The following GALNT14 variants were observed in gnomAD, a reference collection of about 807,000 sequenced individuals.
GALNT14 encodes polypeptide N-acetylgalactosaminyltransferase 14.
In GALNT14, 60 loss-of-function variants were observed where a neutral mutation model predicts 77.5. The observed-to-expected ratio is 0.77, with a 90% confidence interval of 0.63 to 0.96. The LOEUF is 0.96. GALNT14 is among the 40% of genes least tolerant of loss of function. The pLI is 0.00. For missense variants in GALNT14, 710 were observed against 731.0 expected (o/e 0.97, Z 0.33); for synonymous variants, 280 against 281.7 (o/e 0.99, Z 0.06).
chr2:31,037,983 T>A (rs1355234556), intron 1 of GALNT14, among the ~76,000 whole-genome samples: 1 of 150,472 alleles, frequency 6.6e-6, no homozygotes, highest in South Asian at 2.1e-4. Flanking sequence ...TTCTTAGAAA[T>A]TTTTCAAAGC....
intron 1 of GALNT14, among the ~76,000 whole-genome samples, chr2:31,026,012 A>G (rs769599718): frequency 1.3e-5 from 2 of 152,186 alleles, no homozygotes; most frequent in Non-Finnish European, 2.9e-5. Flanking sequence ...TAAATGTTAA[A>G]CATATCTAAA....
intron 9 of GALNT14, among the ~76,000 whole-genome samples, chr2:30,935,795 T>C (rs1226885163): frequency 6.6e-6 from 1 of 152,082 alleles, no homozygotes; most frequent in Non-Finnish European, 1.5e-5. Context: ...TTTGGGACAG[T>C]CACAGGACCT....
chr2:31,129,264 T>A (rs1348495589), intron 1 of GALNT14: 3 of 564,148 alleles, frequency 5.3e-6, no homozygotes, highest in Admixed American at 1.3e-4. Flanking sequence ...ACGAGAATAA[T>A]AATAACACTC....
intron 1 of GALNT14, among the ~76,000 whole-genome samples, chr2:31,111,733 A>C (rs1006342883): frequency 1.3e-5 from 2 of 152,184 alleles, no homozygotes; most frequent in African/African-American, 4.8e-5. Flanking sequence ...CTGCAGGTAA[A>C]CAGACATTTG....
chr2:31,114,374 A>G (rs1010319688), intron 1 of GALNT14, among the ~76,000 whole-genome samples: 2 of 152,194 alleles, frequency 1.3e-5, no homozygotes, highest in Admixed American at 6.5e-5. Context: ...AGAGCTGCTA[A>G]AGGAGACAAA....
chr2:30,948,004 G>C (rs900235647), intron 6 of GALNT14, among the ~76,000 whole-genome samples: 3 of 152,146 alleles, frequency 2.0e-5, no homozygotes, highest in Non-Finnish European at 1.5e-5. Flanking sequence ...TGGGGCTCTT[G>C]GGCCACTGTC....
intron 1 of GALNT14, among the ~76,000 whole-genome samples, chr2:31,078,284 A>G (rs1362151137): frequency 6.6e-6 from 1 of 152,244 alleles, no homozygotes; most frequent in African/African-American, 2.4e-5. Context: ...TAATGATCCT[A>G]CTGGACAACT....
chr2:31,107,385 A>G (rs1038329320), intron 1 of GALNT14, among the ~76,000 whole-genome samples: 2 of 151,992 alleles, frequency 1.3e-5, no homozygotes, highest in African/African-American at 4.8e-5. Context: ...CTAAACCTCT[A>G]CTTCCCCCTC....
intron 1 of GALNT14, among the ~76,000 whole-genome samples, chr2:31,025,472 G>T (rs148663684): frequency 6.6e-6 from 1 of 152,178 alleles, no homozygotes; most frequent in Admixed American, 6.5e-5. Context: ...GGAGGCCACT[G>T]GAATTGTCTA....
At chr2:30,904,804 T>C in the GALNT14 span, among the ~76,000 whole-genome samples, 1 of 152,194 alleles carries the variant, frequency 6.6e-6, no homozygotes, top group Non-Finnish European at 1.5e-5. Flanking sequence ...CAGACTTAAA[T>C]GTCCCTGTCT....
At chr2:30,914,165 T>C (rs182249806) in intron 13 of GALNT14, among the ~76,000 whole-genome samples, 8 of 152,330 alleles carry the variant, frequency 5.3e-5, no homozygotes, top group Non-Finnish European at 1.0e-4. Context: ...TTCATAAGAA[T>C]CCTATTAAGT....
intron 1 of GALNT14, among the ~76,000 whole-genome samples, chr2:31,108,257 AC>A (rs1677660656): frequency 6.6e-6 from 1 of 152,226 alleles, no homozygotes; most frequent in African/African-American, 2.4e-5. Flanking sequence ...CTCCACCATC[AC>A]TACATCAGTC....
At position 30,955,642 on chromosome 2, in the gene GALNT14, C is replaced by T. The variant is rs1667315906; in HGVS notation, c.630G>A (p.Gln210=). 2 of 1,614,082 alleles carry T rather than the reference C, an allele frequency of 1.2e-6. No individual in the cohort carries two copies. Among genetic ancestry groups the T allele is most frequent in the Admixed American group, 1.7e-5 (1 of 60,016 alleles). Residue 210 remains glutamine, a synonymous_variant, in exon 6 of 15, where the codon CAG becomes CAA. Coordinates refer to ENST00000349752, the MANE Select transcript of GALNT14 (RefSeq NM_024572.4). ...CCTCTTTGACCCTGTGCAACAGAGG[C>T]TGGAGCCAGTCCCTGTTCACCTCAC... ...SHCEVNRDWL[Q]PLLHRVKEDY...
intron 9 of GALNT14, among the ~76,000 whole-genome samples, chr2:30,932,678 G>A (rs1054097296): frequency 6.6e-6 from 1 of 152,228 alleles, no homozygotes; most frequent in Non-Finnish European, 1.5e-5. Context: ...TGACCATTGT[G>A]AGAAGACTCA....
At chr2:30,973,567 G>A (rs1251579209) in intron 2 of GALNT14, among the ~76,000 whole-genome samples, 1 of 152,172 alleles carries the variant, frequency 6.6e-6, no homozygotes, top group African/African-American at 2.4e-5. Flanking sequence ...AATATAAAAT[G>A]CCGAATCTGT....
chr2:31,131,116 C>G (rs964820999), intron 1 of GALNT14, among the ~76,000 whole-genome samples: 2 of 152,130 alleles, frequency 1.3e-5, no homozygotes, highest in African/African-American at 4.8e-5. Context: ...AGAGAGGAAT[C>G]TCAGTCACCC....
chr2:31,108,169 A>G (rs1573360414), intron 1 of GALNT14, among the ~76,000 whole-genome samples: 1 of 151,772 alleles, frequency 6.6e-6, no homozygotes, highest in African/African-American at 2.4e-5. Flanking sequence ...CCAAGGCCAG[A>G]CTCCTGCCTC....
intron 2 of GALNT14, among the ~76,000 whole-genome samples, chr2:30,975,765 G>A (rs998161625): frequency 4.6e-5 from 7 of 152,076 alleles, no homozygotes; most frequent in African/African-American, 1.7e-4. Flanking sequence ...TCTGGTATGA[G>A]TAAAATAAAA....
rs577612744 is a variant in GALNT14, at chr2:31,129,402, T to G, written c.129+8556A>C. ...TTATCTTCTTTTCCTGATTCACCCTTTAATTAGTAAAGTCTTTCAGCTAGC... is the reference window on the plus strand; with the variant it reads ...TTATCTTCTTTTCCTGATTCACCCTGTAATTAGTAAAGTCTTTCAGCTAGC... On this transcript the variant is annotated intron_variant, in intron 1 of 14. Coordinates refer to ENST00000349752, the MANE Select transcript of GALNT14 (RefSeq NM_024572.4). The G allele has an allele frequency of 1.3e-4, 125 of 985,448 alleles. 1 individual carries two copies. In the South Asian group the frequency reaches 5.1e-3, roughly 40 times the overall value. 61.0% of individuals were successfully genotyped at this position (985,448 alleles called of 1,614,324 possible).
Sources: allele counts gnomAD v4.1 joint callset (sites outside exome capture counted in the v4.1 genomes callset), GRCh38; gene constraint gnomAD v4.1.1; transcripts MANE v1.5; gene names NCBI Gene and HGNC (gene_info 2026-07-23, HGNC 2026-07-21).